The following PDE1A variants were observed in gnomAD, a reference collection of about 807,000 sequenced individuals.
The protein encoded by PDE1A is dual specificity calcium/calmodulin-dependent 3',5'-cyclic nucleotide phosphodiesterase 1A.
In PDE1A, 35 loss-of-function variants were observed where a neutral mutation model predicts 61.7. The observed-to-expected ratio is 0.57, with a 90% CI of 0.43 to 0.75. The LOEUF (loss-of-function observed/expected upper bound fraction) is 0.75, where lower values mean the gene tolerates loss of function less well. Among genes scored for constraint, PDE1A ranks in the 30% least tolerant of loss-of-function variants. The pLI is 0.00. For synonymous variants in PDE1A, 232 were observed against 213.2 expected (o/e 1.09, Z -0.77); for missense variants, 597 against 630.6 (o/e 0.95, Z 0.57).
At chr2:182,330,135 G>A (rs1275839640) in intron 1 of PDE1A, among the ~76,000 whole-genome samples, 1 of 151,960 alleles carries the variant, frequency 6.6e-6, no homozygotes, top group Non-Finnish European at 1.5e-5. Context: ...CCTGAGGTCA[G>A]GAGTTCAAGA....
intron 8 of PDE1A, among the ~76,000 whole-genome samples, chr2:182,203,425 T>A (rs1369501806): frequency 6.6e-6 from 1 of 152,228 alleles, no homozygotes; most frequent in Non-Finnish European, 1.5e-5. Context: ...ATCAATACTC[T>A]GCTTACTTAC....
the PDE1A span, among the ~76,000 whole-genome samples, chr2:182,573,557 C>T: frequency 6.6e-6 from 1 of 151,868 alleles, no homozygotes; most frequent in Non-Finnish European, 1.5e-5. Context: ...TTAATAGATC[C>T]TGGTTTGAAA....
chr2:182,170,430 T>C (rs1397683934), intron 13 of PDE1A, among the ~76,000 whole-genome samples: 3 of 151,720 alleles, frequency 2.0e-5, no homozygotes, highest in East Asian at 3.8e-4. Flanking sequence ...ATTGGATAAA[T>C]TGTGCTAAGA....
At chr2:182,493,229 TAAC>T (rs1416912860) in intron 2 of PDE1A, among the ~76,000 whole-genome samples, 11 of 64,900 alleles carry the variant, frequency 1.7e-4, no homozygotes, top group African/African-American at 3.6e-4. Flanking sequence ...CTTTCTCGAC[TAAC>T]TTTTTTTTTT....
chr2:182,242,565 A>G (rs1304072145), intron 2 of PDE1A, among the ~76,000 whole-genome samples: 1 of 152,206 alleles, frequency 6.6e-6, no homozygotes, highest in Non-Finnish European at 1.5e-5. Flanking sequence ...ACCAATTTAA[A>G]TGTCGCTGTG....
chr2:182,655,690 G>A, the PDE1A span, among the ~76,000 whole-genome samples: 20 of 152,082 alleles, frequency 1.3e-4, no homozygotes, highest in African/African-American at 3.6e-4. Context: ...CTTTTTCCCC[G>A]GCAAGGAGAG....
intron 1 of PDE1A, among the ~76,000 whole-genome samples, chr2:182,337,354 C>T (rs1360627749): frequency 6.6e-6 from 1 of 152,104 alleles, no homozygotes; most frequent in Admixed American, 6.5e-5. Flanking sequence ...ATGAAACATA[C>T]TTAGTTAACC....
the PDE1A span, among the ~76,000 whole-genome samples, chr2:182,578,131 C>T: frequency 1.3e-4 from 20 of 152,198 alleles, no homozygotes; most frequent in African/African-American, 3.1e-4. Context: ...AGAAGAAGCC[C>T]GAAGTCATGA....
the PDE1A span, among the ~76,000 whole-genome samples, chr2:182,568,471 G>A: frequency 3.3e-5 from 5 of 151,700 alleles, no homozygotes; most frequent in Non-Finnish European, 7.4e-5. Context: ...TAGGACAGGA[G>A]ATCGAGACAG....
chr2:182,609,598 G>T, the PDE1A span, among the ~76,000 whole-genome samples: 1 of 152,174 alleles, frequency 6.6e-6, no homozygotes, highest in South Asian at 2.1e-4. Context: ...CACCATGAAG[G>T]TCTGCAGCTT....
chr2:182,161,106 G>A (rs1160576047), intron 13 of PDE1A, among the ~76,000 whole-genome samples: 1 of 152,094 alleles, frequency 6.6e-6, no homozygotes, highest in African/African-American at 2.4e-5. Context: ...AATATCACTG[G>A]ACAAAGTGAG....
chr2:182,428,705 G>A (rs1703765193), upstream of PDE1A, among the ~76,000 whole-genome samples: 1 of 152,160 alleles, frequency 6.6e-6, no homozygotes, highest in East Asian at 1.9e-4. Context: ...TTCTGGGAGG[G>A]ATTTTGCGTT....
intron 2 of PDE1A, among the ~76,000 whole-genome samples, chr2:182,470,678 A>C (rs904341277): frequency 6.6e-6 from 1 of 151,830 alleles, no homozygotes; most frequent in Non-Finnish European, 1.5e-5. Flanking sequence ...TGAGATCTTA[A>C]GAATGGGAAG....
At chr2:182,471,834 T>C (rs1294774907) in intron 2 of PDE1A, among the ~76,000 whole-genome samples, 2 of 151,748 alleles carry the variant, frequency 1.3e-5, no homozygotes, top group Non-Finnish European at 1.5e-5. Context: ...GGGGACAGAA[T>C]GTATAAGGAA....
chr2:182,396,542 C>T (rs1701715530), intron 1 of PDE1A, among the ~76,000 whole-genome samples: 1 of 152,182 alleles, frequency 6.6e-6, no homozygotes. Flanking sequence ...TGAGTATTTC[C>T]TCCTTATTTT....
At chr2:182,478,623 A>G (rs1336735020) in intron 2 of PDE1A, among the ~76,000 whole-genome samples, 1 of 151,908 alleles carries the variant, frequency 6.6e-6, no homozygotes, top group Non-Finnish European at 1.5e-5. Flanking sequence ...TCACAACACA[A>G]AAGTCAAACA....
At chr2:182,551,212 G>A in the PDE1A span, among the ~76,000 whole-genome samples, 7 of 152,172 alleles carry the variant, frequency 4.6e-5, no homozygotes, top group African/African-American at 1.4e-4. Context: ...GTAAAAGGGA[G>A]AGGTATCTTT....
the PDE1A span, among the ~76,000 whole-genome samples, chr2:182,641,669 A>G: frequency 1.0e-3 from 156 of 152,322 alleles, no homozygotes; most frequent in African/African-American, 1.8e-3. Context: ...TCTTCACATA[A>G]TAAGTTAATT....
At chr2:182,168,095 A>T in exon 14 of PDE1A, 1 of 1,354,748 alleles carries the variant, frequency 7.4e-7, no homozygotes. Context: ...GCTGTTATTT[A>T]TGTGGCTCAT....
Sources: allele counts gnomAD v4.1 joint callset (sites outside exome capture counted in the v4.1 genomes callset), GRCh38; gene constraint gnomAD v4.1.1; transcripts MANE v1.5; gene names NCBI Gene and HGNC (gene_info 2026-07-23, HGNC 2026-07-21).